The following ODAD2 variants were observed in gnomAD, a reference collection of about 807,000 sequenced individuals.
The protein encoded by ODAD2 is outer dynein arm docking complex subunit 2, also known as outer dynein arm-docking complex subunit 2.
ODAD2 carries 89 observed loss-of-function variants against 106.8 expected under a neutral mutation model. The observed-to-expected ratio is 0.83, with a 90% CI of 0.70 to 0.99. The LOEUF (loss-of-function observed/expected upper bound fraction) is 0.99, where lower values mean the gene tolerates loss of function less well. Ranked by LOEUF, ODAD2 falls within the 50% of genes least tolerant of loss-of-function variation. The probability of loss-of-function intolerance (pLI) is 0.00; values close to 1 mark genes in which losing one functional copy is unlikely to be tolerated. For missense variants in ODAD2, 1,168 were observed against 1,238.5 expected (o/e 0.94, Z 0.85); for synonymous variants, 404 against 436.2 (o/e 0.93, Z 0.92).
chr10:27,869,036 A>G (rs1311419398), intron 17 of ODAD2, among the ~76,000 whole-genome samples: 1 of 152,006 alleles, frequency 6.6e-6, no homozygotes, highest in Admixed American at 6.6e-5. Flanking sequence ...AACCTAAATT[A>G]GAATTGCTGA....
intron 17 of ODAD2, among the ~76,000 whole-genome samples, chr10:27,871,954 C>G (rs1326062605): frequency 6.6e-6 from 1 of 152,086 alleles, no homozygotes; most frequent in Non-Finnish European, 1.5e-5. Context: ...GGCAGTATGG[C>G]CATTTTCACG....
At chr10:27,990,292 C>T (rs1299694324) in intron 2 of ODAD2, among the ~76,000 whole-genome samples, 1 of 151,968 alleles carries the variant, frequency 6.6e-6, no homozygotes, top group Non-Finnish European at 1.5e-5. Context: ...GGACTACAGC[C>T]GCACGCCACC....
chr10:27,829,035 T>C (rs1019612144), intron 19 of ODAD2, among the ~76,000 whole-genome samples: 18 of 152,132 alleles, frequency 1.2e-4, no homozygotes, highest in Admixed American at 1.2e-3. Context: ...TGATGGGATA[T>C]AGAATTCATC....
intron 16 of ODAD2, among the ~76,000 whole-genome samples, chr10:27,932,878 G>A (rs981081605): frequency 2.6e-5 from 4 of 152,158 alleles, no homozygotes; most frequent in African/African-American, 9.7e-5. Context: ...TAATCCCCAC[G>A]ACAGCAGGAG....
Position 27,985,196 on chromosome 10 carries a change from A to C in ODAD2, c.398T>G (p.Ile133Arg). 1 of 1,545,102 alleles carries C rather than the reference A, an allele frequency of 6.5e-7. No individual in the cohort carries two copies. Among genetic ancestry groups the C allele is most frequent in the Non-Finnish European group, 8.7e-7 (1 of 1,144,074 alleles). ...QACVEANRDP[I>R]VKILGSDYNT... ...ATAATCAGAGCCCAGGATTTTTACT[A>C]TGGGGTCTCTGTTAGCTGCCAAAAA... Residue 133 changes from isoleucine to arginine, a missense_variant, in exon 4 of 20, where the codon ATA becomes AGA. Coordinates refer to ENST00000305242, the MANE Select transcript of ODAD2 (RefSeq NM_018076.5).
At chr10:27,889,220 A>T in intron 17 of ODAD2, among the ~76,000 whole-genome samples, 1 of 152,188 alleles carries the variant, frequency 6.6e-6, no homozygotes, top group East Asian at 1.9e-4. Flanking sequence ...TAGAGAGATC[A>T]AGTTGGACCC....
intron 19 of ODAD2, among the ~76,000 whole-genome samples, chr10:27,842,466 T>G (rs934455279): frequency 3.9e-5 from 6 of 152,244 alleles, no homozygotes; most frequent in Non-Finnish European, 8.8e-5. Context: ...CAATACATAT[T>G]TTCCTCTGAT....
intron 7 of ODAD2, among the ~76,000 whole-genome samples, chr10:27,977,428 G>A (rs377577808): frequency 8.4e-4 from 127 of 151,084 alleles, no homozygotes; most frequent in African/African-American, 2.8e-3. Flanking sequence ...TTAGCCAGGC[G>A]CGGTGGCGGG....
At position 27,812,469 on chromosome 10, in the gene ODAD2, T is replaced by C; in HGVS notation, c.*43A>G. On this transcript the variant is annotated 3_prime_UTR_variant, in exon 20 of 20. Coordinates refer to ENST00000305242, the MANE Select transcript of ODAD2 (RefSeq NM_018076.5). ...TTCTGGCCATGGGAGTGACATGTCC[T>C]GTGTCATGTAGAATTTGATAGCTTG... is the stretch of plus-strand genomic sequence containing the variant. 1 of 1,576,106 alleles carries C rather than the reference T, an allele frequency of 6.3e-7. No homozygotes were observed. Among genetic ancestry groups the C allele is most frequent in the Non-Finnish European group, 8.7e-7 (1 of 1,148,518 alleles).
At chr10:27,939,122 A>G (rs539734205) in intron 14 of ODAD2, among the ~76,000 whole-genome samples, 46 of 152,240 alleles carry the variant, frequency 3.0e-4, no homozygotes, top group African/African-American at 1.1e-3. Context: ...GTAAACCAGT[A>G]AAAAGATAAA....
chr10:27,820,544 G>A (rs974583931), intron 19 of ODAD2, among the ~76,000 whole-genome samples: 4 of 151,876 alleles, frequency 2.6e-5, no homozygotes, highest in South Asian at 2.1e-4. Context: ...CAAGACTTAC[G>A]TTAGAAGAAA....
chr10:27,815,006 A>G (rs1463701483), intron 19 of ODAD2, among the ~76,000 whole-genome samples: 1 of 152,054 alleles, frequency 6.6e-6, no homozygotes, highest in Admixed American at 6.5e-5. Flanking sequence ...TTCTTCTTCA[A>G]TCTTCAGTTC....
intron 1 of ODAD2, among the ~76,000 whole-genome samples, chr10:27,996,488 G>A (rs910141014): frequency 1.3e-5 from 2 of 152,012 alleles, no homozygotes; most frequent in Non-Finnish European, 2.9e-5. Context: ...GTTGAGGACC[G>A]ACAATGTAAA....
chr10:27,845,889 T>C (rs1279627410), intron 19 of ODAD2, among the ~76,000 whole-genome samples: 2 of 152,172 alleles, frequency 1.3e-5, no homozygotes, highest in African/African-American at 2.4e-5. Context: ...TAAATATATA[T>C]GCACCCAATA....
At chr10:27,838,428 G>A (rs914807901) in intron 19 of ODAD2, among the ~76,000 whole-genome samples, 22 of 152,266 alleles carry the variant, frequency 1.4e-4, no homozygotes, top group South Asian at 8.3e-4. Flanking sequence ...CAGAAAGTGA[G>A]AACAAATAGT....
chr10:27,817,207 T>G (rs1836205221), intron 19 of ODAD2, among the ~76,000 whole-genome samples: 1 of 152,208 alleles, frequency 6.6e-6, no homozygotes, highest in Non-Finnish European at 1.5e-5. Flanking sequence ...TCCTAACACA[T>G]GGCTTACATG....
At chr10:27,865,985 G>A (rs889413054) in intron 17 of ODAD2, among the ~76,000 whole-genome samples, 3 of 152,152 alleles carry the variant, frequency 2.0e-5, no homozygotes, top group Admixed American at 6.5e-5. Flanking sequence ...GTATTCATAA[G>A]CTTATTTGGA....
At chr10:27,839,030 G>C (rs1838113285) in intron 19 of ODAD2, among the ~76,000 whole-genome samples, 1 of 152,062 alleles carries the variant, frequency 6.6e-6, no homozygotes, top group Admixed American at 6.6e-5. Context: ...AGGAATCCTG[G>C]ACTGTTCAAT....
intron 19 of ODAD2, among the ~76,000 whole-genome samples, chr10:27,833,537 A>T (rs1261101824): frequency 1.3e-5 from 2 of 152,210 alleles, no homozygotes; most frequent in Non-Finnish European, 1.5e-5. Flanking sequence ...GTAGAAGAAA[A>T]ATATTGTAAG....
Sources: allele counts gnomAD v4.1 joint callset (sites outside exome capture counted in the v4.1 genomes callset), GRCh38; gene constraint gnomAD v4.1.1; transcripts MANE v1.5; gene names NCBI Gene and HGNC (gene_info 2026-07-23, HGNC 2026-07-21).